The following TRPM4 variants were observed in gnomAD, a reference collection of about 807,000 sequenced individuals.
TRPM4 encodes transient receptor potential cation channel subfamily M member 4, also known as calcium-activated non-selective cation channel 1.
Under a neutral mutation model 135.6 loss-of-function variants are expected in TRPM4, and 124 were observed. That is an observed-to-expected ratio of 0.91 (90% CI 0.79 to 1.06). The LOEUF is 1.06. TRPM4 is among the 50% of genes least tolerant of loss of function. TRPM4 has a pLI of 0.00. For synonymous variants in TRPM4, 745 were observed against 705.6 expected (o/e 1.06, Z -0.88); for missense variants, 1,658 against 1,671.4 (o/e 0.99, Z 0.14).
rs1389413115 is a variant in TRPM4, at chr19:49,182,906, A to G, written c.1592A>G (p.Gln531Arg). The G allele has an allele frequency of 1.1e-5, 18 of 1,596,138 alleles. No homozygotes were observed. Among genetic ancestry groups the G allele is most frequent in the Non-Finnish European group, 1.5e-5 (18 of 1,171,486 alleles). Reference sequence around the variant, plus strand: ...GGCGCCTGGGACCCTCACCCAGGCCAGGGCTTCGGGGAGAGCGTAAGGACC... The same window carrying G: ...GGCGCCTGGGACCCTCACCCAGGCCGGGGCTTCGGGGAGAGCGTAAGGACC... ...SGGAWDPHPG[Q>R]GFGESMYLLS... The change falls in exon 11 of 25, where the codon CAG (glutamine) becomes CGG (arginine). Residue 531 changes from glutamine to arginine, a missense_variant. Transcript: ENST00000252826.
At chr19:49,195,967 T>A (rs916453559) in intron 16 of TRPM4, among the ~76,000 whole-genome samples, 2 of 151,830 alleles carry the variant, frequency 1.3e-5, no homozygotes, top group Non-Finnish European at 2.9e-5. Context: ...CAAGCGATTC[T>A]CCCGCCTCAG....
chr19:49,204,145 A>G (rs1239022153), intron 20 of TRPM4, among the ~76,000 whole-genome samples: 1 of 151,858 alleles, frequency 6.6e-6, no homozygotes, highest in African/African-American at 2.4e-5. Flanking sequence ...CATTTGATTT[A>G]CCCGCTCATC....
At chr19:49,195,683 A>ATT (rs1293818542) in intron 16 of TRPM4, among the ~76,000 whole-genome samples, 8 of 127,122 alleles carry the variant, frequency 6.3e-5, no homozygotes, top group African/African-American at 1.2e-4. Context: ...TTCTACTTTA[A>ATT]TTTTTTTTTT....
chr19:49,196,852 T>G lies in TRPM4; in HGVS notation c.2623T>G (p.Phe875Val). 1 of 1,587,070 alleles carries G rather than the reference T, an allele frequency of 6.3e-7. No individual in the cohort carries two copies. Among genetic ancestry groups the G allele is most frequent in the South Asian group, 1.1e-5 (1 of 88,618 alleles). Residue 875 changes from phenylalanine (F) to valine (V), a missense_variant, in exon 17 of 25, where the codon TTC becomes GTC. Phe to Val is a conservative substitution (Grantham distance 50, BLOSUM62 -1). Transcript: ENST00000252826. ...GTGCGACCTAGTGGCTCTCACCTGCTTCCTCCTGGGCGTGGGCTGCCGGTG... is the reference window on the plus strand; with the variant it reads ...GTGCGACCTAGTGGCTCTCACCTGCGTCCTCCTGGGCGTGGGCTGCCGGTG... ...NQCDLVALTC[F>V]LLGVGCRLTP...
At chr19:49,159,377 GCCAGATGGTCT>G (rs1009267320) in intron 2 of TRPM4, 1 of 151,928 alleles carries the variant, frequency 6.6e-6, no homozygotes, top group Non-Finnish European at 1.5e-5. Context: ...CACCGTGTTA[GCCAGATGGTCT>G]CGATCTCCTG....
intron 12 of TRPM4, among the ~76,000 whole-genome samples, chr19:49,186,821 T>C (rs1600472118): frequency 6.6e-6 from 1 of 150,528 alleles, no homozygotes; most frequent in East Asian, 2.0e-4. Context: ...TGTGGTGGGC[T>C]GAGATTGCAG....
At position 49,157,878 on chromosome 19, in the gene TRPM4, G is replaced by A. The variant is rs1403043676; in HGVS notation, c.12G>A (p.Pro4=). The part of the protein sequence containing the change: MVV[P]EKEQSWIPKI... The stretch of plus-strand genomic sequence containing the variant: ...GCGGCCGCGGCAGCATGGTGGTGCC[G>A]GAGAAGGAGCAGGTGAGCGCCGGAC... Residue 4 remains proline, a synonymous_variant, in exon 1 of 25, where the codon CCG becomes CCA. Transcript: ENST00000252826. The A allele has an allele frequency of 7.8e-6, 12 of 1,534,856 alleles. No individual in the cohort carries two copies. The highest frequency in any genetic ancestry group is 5.5e-5 in the African/African-American group (4 of 72,976).
At position 49,171,699 on chromosome 19, in the gene TRPM4, G is replaced by A. The variant is rs1198102832; in HGVS notation, c.980G>A (p.Arg327Lys). 1 of 1,614,044 alleles carries A rather than the reference G, an allele frequency of 6.2e-7. No individual in the cohort carries two copies. Among genetic ancestry groups the A allele is most frequent in the Admixed American group, 1.7e-5 (1 of 60,026 alleles). Reference sequence around the variant, plus strand: ...CTGGCCCCAGGGAGTGGGGGAGCCAGGCAAGGCGAAGCCCGAGATCGAATC... The same window carrying A: ...CTGGCCCCAGGGAGTGGGGGAGCCAAGCAAGGCGAAGCCCGAGATCGAATC... ...DTLAPGSGGA[R>K]QGEARDRIRR... Residue 327 changes from arginine to lysine, a missense_variant, in exon 8 of 25, where the codon AGG becomes AAG. Arg to Lys is a conservative substitution (Grantham distance 26). Transcript: ENST00000252826. This position sits in a 1 kb window ranked among gnomAD's most constrained non-coding sequence, Gnocchi z 4.7.
At chr19:49,172,327 C>T (rs1967494843) in intron 9 of TRPM4, among the ~76,000 whole-genome samples, 1 of 152,202 alleles carries the variant, frequency 6.6e-6, no homozygotes, top group Non-Finnish European at 1.5e-5. Context: ...TGGATCCATC[C>T]ATCCATTCTT....
At chr19:49,182,125 CATCTGTCCATT>C (rs1967966184) in intron 10 of TRPM4, among the ~76,000 whole-genome samples, 5 of 135,972 alleles carry the variant, frequency 3.7e-5, no homozygotes, top group African/African-American at 1.1e-4. Flanking sequence ...TCCATCCATC[CATCTGTCCATT>C]CATCCATCCA....
At chr19:49,198,432 A>G (rs1026572603) in intron 17 of TRPM4, among the ~76,000 whole-genome samples, 2 of 152,040 alleles carry the variant, frequency 1.3e-5, no homozygotes, top group Non-Finnish European at 2.9e-5. Context: ...GGATCACCTG[A>G]GATCAGGAGT....
At chr19:49,185,510 G>C (rs1968166818) in intron 12 of TRPM4, among the ~76,000 whole-genome samples, 1 of 152,062 alleles carries the variant, frequency 6.6e-6, no homozygotes, top group Non-Finnish European at 1.5e-5. Flanking sequence ...CAAAGTGCTG[G>C]GATTACAGGT....
At chr19:49,184,452 C>CTTTT (rs67748057) in intron 12 of TRPM4, among the ~76,000 whole-genome samples, 481 of 45,512 alleles carry the variant, frequency 0.011, 145 homozygotes, top group African/African-American at 0.045. Flanking sequence ...TCTCTGTAGT[C>CTTTT]TTTTTTTTTT....
At chr19:49,192,740 C>A (rs547957547) in intron 16 of TRPM4, among the ~76,000 whole-genome samples, 1 of 152,028 alleles carries the variant, frequency 6.6e-6, no homozygotes, top group South Asian at 2.1e-4. Context: ...AGGCTAAATA[C>A]CTGGGTGATG....
rs111766283 is a variant in TRPM4, at chr19:49,207,756, C to T, written c.3132-2453C>T. 3.6e-4 allele frequency among the ~76,000 whole-genome samples: 55 copies of T among 151,546 alleles called. 1 individual carries two copies. The East Asian group carries it at 5.3e-3, about 14-fold the overall frequency. On this transcript the variant is annotated intron_variant, in intron 20 of 24. Coordinates refer to ENST00000252826, the MANE Select transcript of TRPM4 (RefSeq NM_017636.4). ...GAGATCGAGACCATCCTGGCTAACA[C>T]GGTTGTAGGGGCCAGCCCTACAAGG... is the stretch of plus-strand genomic sequence containing the variant.
intron 1 of TRPM4, 126 bp downstream of exon 1, chr19:49,158,016 G>T: frequency 7.6e-7 from 1 of 1,322,970 alleles, no homozygotes; most frequent in Non-Finnish European, 1.1e-6. Context: ...GAGGGTCCAG[G>T]TTCCAGGGTC....
intron 20 of TRPM4, among the ~76,000 whole-genome samples, chr19:49,204,218 T>C (rs1201068727): frequency 6.6e-6 from 1 of 152,244 alleles, no homozygotes; most frequent in Non-Finnish European, 1.5e-5. Context: ...TGTTGGAACA[T>C]TGGCATGCAA....
intron 9 of TRPM4, among the ~76,000 whole-genome samples, chr19:49,177,080 C>T (rs977852151): frequency 1.3e-5 from 2 of 152,084 alleles, no homozygotes; most frequent in African/African-American, 4.8e-5. Flanking sequence ...TCTGGGGGTA[C>T]ATCCTTCAAT....
At chr19:49,205,647 T>C (rs191501175) in intron 20 of TRPM4, among the ~76,000 whole-genome samples, 3 of 149,952 alleles carry the variant, frequency 2.0e-5, no homozygotes, top group Admixed American at 6.7e-5. Flanking sequence ...GGGATTCTCC[T>C]GCCTCAGCCT....
Sources: allele counts gnomAD v4.1 joint callset (sites outside exome capture counted in the v4.1 genomes callset), GRCh38; gene constraint gnomAD v4.1.1; non-coding constraint Gnocchi (gnomAD v3.1); transcripts MANE v1.5; gene names NCBI Gene and HGNC (gene_info 2026-07-23, HGNC 2026-07-21).